MORN5: variants seen among roughly 807,000 people sequenced by gnomAD.
The protein encoded by MORN5 is MORN repeat containing 5.
Under a neutral mutation model 22.1 loss-of-function variants are expected in MORN5, and 21 were observed. The ratio of observed to expected loss-of-function variants is 0.95; its 90% CI spans 0.67 to 1.37. MORN5 has a LOEUF of 1.37. Ranked by LOEUF, MORN5 falls within the 40% of genes most tolerant of loss-of-function variation. The probability of loss-of-function intolerance (pLI) is 0.00; values close to 1 mark genes in which losing one functional copy is unlikely to be tolerated. For synonymous variants in MORN5, 73 were observed against 74.0 expected (o/e 0.99, Z 0.07); for missense variants, 211 against 215.1 (o/e 0.98, Z 0.12).
intron 4 of MORN5, among the ~76,000 whole-genome samples, chr9:122,193,658 C>A (rs1312163231): frequency 2.0e-5 from 3 of 152,220 alleles, no homozygotes; most frequent in Non-Finnish European, 4.4e-5. Flanking sequence ...TTGCTTAGGC[C>A]TGTTTTCAAT....
At chr9:122,194,975 G>A (rs947584059) in intron 4 of MORN5, among the ~76,000 whole-genome samples, 36 of 151,436 alleles carry the variant, frequency 2.4e-4, no homozygotes, top group Admixed American at 1.9e-3. Context: ...AGCTGAGATC[G>A]CGCCATTGCC....
chr9:122,194,684 A>C (rs1829845847), intron 4 of MORN5, among the ~76,000 whole-genome samples: 1 of 152,190 alleles, frequency 6.6e-6, no homozygotes, highest in African/African-American at 2.4e-5. Flanking sequence ...TGGTCCCTGC[A>C]TTGAGAGCTT....
At chr9:122,161,051 A>C (rs1201287967) in intron 1 of MORN5, among the ~76,000 whole-genome samples, 1 of 152,252 alleles carries the variant, frequency 6.6e-6, no homozygotes, top group Non-Finnish European at 1.5e-5. Context: ...GAGGAAACAC[A>C]GAGGTGGCCA....
intron 3 of MORN5, among the ~76,000 whole-genome samples, chr9:122,174,084 G>A (rs1306005526): frequency 2.6e-5 from 4 of 152,144 alleles, no homozygotes; most frequent in African/African-American, 9.7e-5. Context: ...TTCCAGAGTG[G>A]GGCTTAAGGA....
intron 4 of MORN5, among the ~76,000 whole-genome samples, chr9:122,185,238 T>C (rs181205621): frequency 7.5e-4 from 113 of 150,812 alleles, no homozygotes; most frequent in African/African-American, 2.5e-3. Context: ...TGTATTTTTT[T>C]TTGAGACAGA....
chr9:122,195,496 A>G (rs1028605001), intron 4 of MORN5, among the ~76,000 whole-genome samples: 1 of 152,142 alleles, frequency 6.6e-6, no homozygotes, highest in African/African-American at 2.4e-5. Flanking sequence ...TTTGGGGAGT[A>G]TCGGTCAGAT....
At chr9:122,187,756 T>C (rs2118777556) in intron 4 of MORN5, among the ~76,000 whole-genome samples, 1 of 152,348 alleles carries the variant, frequency 6.6e-6, no homozygotes, top group Non-Finnish European at 1.5e-5. Context: ...ATTTTAAATA[T>C]CAAATATGAG....
chr9:122,180,963 G>A (rs1490206043), intron 4 of MORN5, among the ~76,000 whole-genome samples: 1 of 152,164 alleles, frequency 6.6e-6, no homozygotes, highest in Non-Finnish European at 1.5e-5. Context: ...AAGCATGCAG[G>A]CAGGCAGAGC....
chr9:122,169,808 G>C (rs1485756650), intron 3 of MORN5, 52 bp downstream of exon 3: 1 of 1,185,060 alleles, frequency 8.4e-7, no homozygotes, highest in Non-Finnish European at 1.3e-6. Flanking sequence ...GGGAAACTAA[G>C]ACAGTTTCGG....
chr9:122,187,840 CAG>C (rs1324448230), intron 4 of MORN5, among the ~76,000 whole-genome samples: 2 of 152,190 alleles, frequency 1.3e-5, no homozygotes, highest in African/African-American at 4.8e-5. Context: ...GCTACACACA[CAG>C]AGAAGAGCAT....
At chr9:122,163,046 T>TA (rs11335886) in intron 1 of MORN5, among the ~76,000 whole-genome samples, 89 of 149,030 alleles carry the variant, frequency 6.0e-4, no homozygotes, top group African/African-American at 1.0e-3. Flanking sequence ...GTGTGAATAT[T>TA]AAAAAAAAAA....
intron 4 of MORN5, among the ~76,000 whole-genome samples, chr9:122,189,911 A>G (rs1289292703): frequency 6.6e-6 from 1 of 152,060 alleles, no homozygotes; most frequent in African/African-American, 2.4e-5. Flanking sequence ...CGGCCTATAA[A>G]AAGTTTTTAA....
intron 3 of MORN5, among the ~76,000 whole-genome samples, chr9:122,171,419 C>G (rs1278095777): frequency 6.6e-6 from 1 of 152,122 alleles, no homozygotes; most frequent in Non-Finnish European, 1.5e-5. Context: ...TCCTCAACAT[C>G]CCCCCACCCC....
intron 4 of MORN5, among the ~76,000 whole-genome samples, chr9:122,183,945 T>C (rs1355730048): frequency 6.6e-6 from 1 of 152,210 alleles, no homozygotes; most frequent in African/African-American, 2.4e-5. Flanking sequence ...CAAGCCTCAT[T>C]TGAATGCACA....
At chr9:122,163,373 C>A (rs1829230665) in intron 1 of MORN5, among the ~76,000 whole-genome samples, 1 of 152,214 alleles carries the variant, frequency 6.6e-6, no homozygotes, top group African/African-American at 2.4e-5. Context: ...GTATTAAAAC[C>A]CAGGTCGATC....
chr9:122,172,384 A>G (rs943067775), intron 3 of MORN5, among the ~76,000 whole-genome samples: 17 of 148,050 alleles, frequency 1.1e-4, no homozygotes, highest in Admixed American at 1.1e-3. Flanking sequence ...GCTCCTGCTC[A>G]TGTCCCAGCC....
At chr9:122,191,944 A>AG (rs1829778689) in intron 4 of MORN5, among the ~76,000 whole-genome samples, 1 of 152,210 alleles carries the variant, frequency 6.6e-6, no homozygotes, top group African/African-American at 2.4e-5. Context: ...GCTCCCTTAC[A>AG]GGCATCCATT....
At chr9:122,171,970 T>C (rs1283742493) in intron 3 of MORN5, among the ~76,000 whole-genome samples, 1 of 144,310 alleles carries the variant, frequency 6.9e-6, no homozygotes, top group Admixed American at 6.9e-5. Flanking sequence ...TTTTTTTTTT[T>C]TTGAGACAGA....
intron 3 of MORN5, among the ~76,000 whole-genome samples, chr9:122,173,118 C>T (rs1377096515): frequency 2.6e-5 from 4 of 152,206 alleles, no homozygotes; most frequent in African/African-American, 9.7e-5. Flanking sequence ...CTGCCAGTCT[C>T]GTGGTGGCAT....
Sources: gnomAD v4.1 joint callset for allele counts (sites outside exome capture counted in the v4.1 genomes callset) on GRCh38, gnomAD v4.1.1 for gene constraint, MANE v1.5 for transcripts, NCBI Gene and HGNC (gene_info 2026-07-23, HGNC 2026-07-21) for gene names.